TULP1: variants seen among roughly 807,000 people sequenced by gnomAD.
TULP1 encodes tubby-related protein 1.
Under a neutral mutation model 67.1 loss-of-function variants are expected in TULP1, and 50 were observed. The observed-to-expected ratio is 0.75, with a 90% CI of 0.59 to 0.94. The LOEUF is 0.94. TULP1 is among the 40% of genes least tolerant of loss of function. The probability of loss-of-function intolerance (pLI) is 0.00; values close to 1 mark genes in which losing one functional copy is unlikely to be tolerated. For missense variants in TULP1, 746 were observed against 734.1 expected, an observed-to-expected ratio of 1.02 and a Z score of -0.19; for synonymous variants, 297 against 294.0, an observed-to-expected ratio of 1.01 and a Z score of -0.11.
chr6:35,509,858 C>T lies in TULP1; in HGVS notation c.570G>A (p.Glu190=). Residue 190 remains glutamate (E), a synonymous_variant, in exon 6 of 15, where the codon GAG becomes GAA. Transcript: ENST00000229771. Reference sequence around the variant, plus strand: ...TCTTGGTCTTTCTCATCTTGGTCCCCTCCCCTGCTGGAGCTTCCTTATTCC... The same window carrying T: ...TCTTGGTCTTTCTCATCTTGGTCCCTTCCCCTGCTGGAGCTTCCTTATTCC... ...RVRNKEAPAG[E]GTKMRKTKKK... 6.2e-7 allele frequency: 1 copy of T among 1,614,070 alleles called. No homozygotes were observed. Among genetic ancestry groups the T allele is most frequent in the South Asian group, 1.1e-5 (1 of 91,072 alleles).
chr6:35,512,195 G>A lies in TULP1; in HGVS notation c.175C>T (p.Pro59Ser), dbSNP rs755762321. Reference protein sequence around the residue: ...PESPCPTGSKPRKPGAGRTGR... With the variant: ...PESPCPTGSKSRKPGAGRTGR... ...CCCCGCCCACCTCCGGGCTTCCGGG[G>A]CTTGGATCCCGTGGGGCAGGGGGAT... is the stretch of plus-strand genomic sequence containing the variant. The change falls in exon 3 of 15, where the codon CCC becomes TCC. Residue 59 changes from proline to serine, a missense_variant. Coordinates refer to ENST00000229771, the MANE Select transcript of TULP1 (RefSeq NM_003322.6). The A allele has an allele frequency of 9.6e-6, 13 of 1,348,340 alleles. No homozygotes were observed. The highest frequency in any genetic ancestry group is 3.5e-5 in the Admixed American group (1 of 28,486). The allele number at this position is 1,348,340 out of a possible 1,614,324, so 83.5% of individuals were successfully genotyped here.
At chr6:35,512,509 C>T in intron 2 of TULP1, 130 bp downstream of exon 2, 1 of 1,274,316 alleles carries the variant, frequency 7.8e-7, no homozygotes, top group Non-Finnish European at 1.1e-6. Context: ...TTTCTCCCCC[C>T]AGATCTCCAG....
At chr6:35,504,266 G>C (rs1456049953) in intron 11 of TULP1, 1 of 238,368 alleles carries the variant, frequency 4.2e-6, no homozygotes, top group African/African-American at 2.2e-5. Flanking sequence ...TTGAGCCTGG[G>C]AGGTCGAGGC....
intron 2 of TULP1, 115 bp from the exon 3 acceptor site, chr6:35,512,385 C>A (rs1171675827): frequency 4.4e-6 from 3 of 676,460 alleles, no homozygotes; most frequent in Non-Finnish European, 7.4e-6. Flanking sequence ...CCGGGGGGAA[C>A]TGCAGCCCCC....
intron 4 of TULP1, among the ~76,000 whole-genome samples, 186 bp downstream of exon 4, chr6:35,511,462 G>C (rs1186187905): frequency 6.6e-6 from 1 of 152,168 alleles, no homozygotes; most frequent in South Asian, 2.1e-4. Context: ...ATGGTGGAGG[G>C]GGGGAACAAA....
chr6:35,512,147 T>A, intron 3 of TULP1, 33 bp downstream of exon 3: 2 of 1,254,794 alleles, frequency 1.6e-6, no homozygotes, highest in Non-Finnish European at 2.0e-6. Flanking sequence ...GCCCACACCC[T>A]GGGGGTCCAC....
chr6:35,512,504 C>A (rs938362269), intron 2 of TULP1, 135 bp downstream of exon 2: 2 of 1,215,310 alleles, frequency 1.6e-6, no homozygotes, highest in Non-Finnish European at 2.4e-6. Context: ...AGCCCTTTCT[C>A]CCCCCAGATC....
Position 35,506,271 on chromosome 6 carries a change from C to T in TULP1, c.828+3G>A. 1 of 1,585,086 alleles carries T rather than the reference C, an allele frequency of 6.3e-7. No individual in the cohort carries two copies. Among genetic ancestry groups the T allele is most frequent in the Non-Finnish European group, 8.6e-7 (1 of 1,165,708 alleles). ...ACACGGGCAGCCCGGCAGGACAACT[C>T]ACCGCTTTCTGTGTGCGGAGAGAAC... On this transcript the variant is annotated splice_donor_region_variant and intron_variant, in intron 9 of 14. Coordinates refer to ENST00000229771, the MANE Select transcript of TULP1 (RefSeq NM_003322.6).
intron 8 of TULP1, 125 bp from the exon 9 acceptor site, chr6:35,506,404 CT>C: frequency 8.2e-7 from 1 of 1,221,510 alleles, no homozygotes. Flanking sequence ...CTGGGGAGCT[CT>C]GTGATTTATT....
At position 35,505,991 on chromosome 6, in the gene TULP1, C is replaced by T; in HGVS notation, c.999+12G>A. 1 of 1,614,162 alleles carries T rather than the reference C, an allele frequency of 6.2e-7. No homozygotes were observed. The highest frequency in any genetic ancestry group is 8.5e-7 in the Non-Finnish European group (1 of 1,180,042). ...CTCCACACTCCCTCCTCTGCTGCCTCTCCCCACCCACCTTCTTCTCCGTGT... is the reference window on the plus strand; with the variant it reads ...CTCCACACTCCCTCCTCTGCTGCCTTTCCCCACCCACCTTCTTCTCCGTGT... On this transcript the variant is annotated intron_variant, in intron 10 of 14. Coordinates refer to ENST00000229771, the MANE Select transcript of TULP1 (RefSeq NM_003322.6).
At chr6:35,499,211 C>G (rs141468274) in intron 14 of TULP1, among the ~76,000 whole-genome samples, 1 of 152,192 alleles carries the variant, frequency 6.6e-6, no homozygotes, top group African/African-American at 2.4e-5. Flanking sequence ...AACAGGGACA[C>G]CTTGTTTCCC....
At chr6:35,505,125 C>A (rs1315393037) in intron 11 of TULP1, among the ~76,000 whole-genome samples, 2 of 151,936 alleles carry the variant, frequency 1.3e-5, no homozygotes, top group African/African-American at 2.4e-5. Context: ...TTAATAGAGA[C>A]GGGGTTTCAC....
At chr6:35,502,752 T>G (rs6928735) in intron 13 of TULP1, among the ~76,000 whole-genome samples, 22,815 of 151,650 alleles carry the variant, frequency 0.15, 1,873 homozygotes, top group African/African-American at 0.21. Flanking sequence ...GCCCACCTTG[T>G]CCTCCCAAAG....
rs571387949 is a variant in TULP1 at position 35,503,877 on chromosome 6, G to T, written c.1113-29C>A. The T allele has an allele frequency of 1.3e-6, 2 of 1,554,970 alleles. No individual in the cohort carries two copies. The highest frequency in any genetic ancestry group is 1.7e-6 in the Non-Finnish European group (2 of 1,144,802). On this transcript the variant is annotated intron_variant, in intron 11 of 14. Coordinates refer to ENST00000229771, the MANE Select transcript of TULP1 (RefSeq NM_003322.6). This position sits in a 1 kb window ranked among gnomAD's most constrained non-coding sequence, Gnocchi z 4.0. Reference sequence around the variant, plus strand: ...CAAGCAGGGTAGAGCTTGGGGTGGGGCTGAGGGGATCCTACATCCCTGCCC... The same window carrying T: ...CAAGCAGGGTAGAGCTTGGGGTGGGTCTGAGGGGATCCTACATCCCTGCCC...
At chr6:35,511,563 C>T (rs1371829787) in intron 4 of TULP1, 85 bp downstream of exon 4, 2 of 1,546,156 alleles carry the variant, frequency 1.3e-6, no homozygotes, top group Non-Finnish European at 1.8e-6. Context: ...TGTTTTCTGC[C>T]TCTCTGGGCC....
intron 11 of TULP1, 182 bp downstream of exon 11, chr6:35,505,559 T>A: frequency 6.6e-7 from 1 of 1,511,592 alleles, no homozygotes; most frequent in Non-Finnish European, 8.9e-7. Context: ...CCCCACACAC[T>A]CAACCATTTT....
chr6:35,512,164 T>C lies in TULP1; in HGVS notation c.190+16A>G. 7.5e-7 allele frequency: 1 copy of C among 1,336,762 alleles called. No individual in the cohort carries two copies. The highest frequency in any genetic ancestry group is 9.6e-7 in the Non-Finnish European group (1 of 1,042,288). 82.8% of individuals were successfully genotyped at this position (1,336,762 alleles called of 1,614,324 possible). ...CCACACCCTGGGGGTCCACCCGGGC[T>C]CTGCACCCCGCCCACCTCCGGGCTT... On this transcript the variant is annotated intron_variant, in intron 3 of 14. Transcript: ENST00000229771.
At position 35,511,984 on chromosome 6, in the gene TULP1, C is replaced by G. The variant is rs937583587; in HGVS notation, c.191-178G>C. ...CCGGCTTCCATTCAGCTTCCCACCC[C>G]CTTCTACCCCAACGCCACCCCCTTC... On this transcript the variant is annotated intron_variant, in intron 3 of 14. Transcript: ENST00000229771. 1.2e-5 allele frequency: 9 copies of G among 778,988 alleles called. No individual in the cohort carries two copies. In the East Asian group the frequency reaches 1.7e-4, roughly 14 times the overall value. The allele number at this position is 778,988 out of a possible 1,614,324, so 48.3% of individuals were successfully genotyped here.
intron 5 of TULP1, chr6:35,510,656 G>T: frequency 9.3e-7 from 1 of 1,069,848 alleles, no homozygotes; most frequent in Non-Finnish European, 1.3e-6. Context: ...AGGGGCAGGG[G>T]CAGTGGGGCC....
Sources: gnomAD v4.1 joint callset for allele counts (sites outside exome capture counted in the v4.1 genomes callset) on GRCh38, gnomAD v4.1.1 for gene constraint, Gnocchi (gnomAD v3.1) non-coding constraint, MANE v1.5 for transcripts, NCBI Gene and HGNC (gene_info 2026-07-23, HGNC 2026-07-21) for gene names.